The following AFAP1 variants were observed in gnomAD, a reference collection of about 807,000 sequenced individuals.
AFAP1 encodes the protein actin filament associated protein 1.
Under a neutral mutation model 93.9 loss-of-function variants are expected in AFAP1, and 75 were observed. The ratio of observed to expected loss-of-function variants is 0.80; its 90% CI spans 0.66 to 0.97. AFAP1 has a LOEUF of 0.97. Ranked by LOEUF, AFAP1 falls within the 50% of genes least tolerant of loss-of-function variation. The pLI is 0.00. For missense variants in AFAP1, 1,201 were observed against 1,050.8 expected (o/e 1.14, Z -1.98); for synonymous variants, 517 against 430.7 (o/e 1.20, Z -2.48).
chr4:7,891,335 C>T (rs890692394), intron 1 of AFAP1, among the ~76,000 whole-genome samples: 1 of 152,088 alleles, frequency 6.6e-6, no homozygotes, highest in Non-Finnish European at 1.5e-5. Flanking sequence ...TCCGTCTTCA[C>T]GGACTAGGAT....
At chr4:7,883,185 C>CAA (rs34238719) in intron 1 of AFAP1, among the ~76,000 whole-genome samples, 8,014 of 48,678 alleles carry the variant, frequency 0.16, 462 homozygotes, top group Non-Finnish European at 0.23. Context: ...AACCCTATCT[C>CAA]AAAAAAAAAA....
intron 6 of AFAP1, among the ~76,000 whole-genome samples, chr4:7,822,830 T>A (rs1243587648): frequency 6.6e-6 from 1 of 150,544 alleles, no homozygotes; most frequent in African/African-American, 2.4e-5. Flanking sequence ...CCGGACCTTG[T>A]GATCCGCCCG....
At chr4:7,781,250 G>C in intron 13 of AFAP1, 126 bp downstream of exon 13, 1 of 1,241,802 alleles carries the variant, frequency 8.1e-7, no homozygotes, top group South Asian at 1.6e-5. Flanking sequence ...TTATATTCTA[G>C]TTGAGAAAAA....
intron 4 of AFAP1, among the ~76,000 whole-genome samples, chr4:7,848,099 A>AGAAGGAAGGAAAGAAG (rs1713957928): frequency 1.7e-5 from 2 of 116,020 alleles, no homozygotes; most frequent in African/African-American, 8.1e-5. Flanking sequence ...AGGGAAGGAA[A>AGAAGGAAGGAAAGAAG]GAAGGAAGGA....
At chr4:7,897,678 C>T (rs896708992) in intron 1 of AFAP1, among the ~76,000 whole-genome samples, 2 of 152,088 alleles carry the variant, frequency 1.3e-5, no homozygotes, top group African/African-American at 4.8e-5. Context: ...CGTGCACTGC[C>T]ACATCTGACT....
chr4:7,850,089 A>G (rs1159994584), intron 4 of AFAP1, among the ~76,000 whole-genome samples: 1 of 152,130 alleles, frequency 6.6e-6, no homozygotes, highest in Non-Finnish European at 1.5e-5. Flanking sequence ...TAGAGCAGAG[A>G]TCTGACTTAT....
At chr4:7,873,727 G>C (rs915550755) in intron 1 of AFAP1, among the ~76,000 whole-genome samples, 1 of 152,096 alleles carries the variant, frequency 6.6e-6, no homozygotes, top group Admixed American at 6.6e-5. Flanking sequence ...TACCACAGTC[G>C]TCTAGAGAAA....
intron 6 of AFAP1, among the ~76,000 whole-genome samples, chr4:7,835,527 T>C (rs1177440613): frequency 5.9e-5 from 1 of 16,936 alleles, no homozygotes; most frequent in Non-Finnish European, 2.6e-4. Flanking sequence ...TGGGTGGCTC[T>C]TGAATGGACT....
At chr4:7,931,371 A>G (rs1369360411) in intron 1 of AFAP1, among the ~76,000 whole-genome samples, 1 of 152,106 alleles carries the variant, frequency 6.6e-6, no homozygotes, top group African/African-American at 2.4e-5. Flanking sequence ...CAACAAGAAT[A>G]GTATATTAAG....
chr4:7,925,933 T>C (rs1720708780), intron 1 of AFAP1, among the ~76,000 whole-genome samples: 1 of 152,174 alleles, frequency 6.6e-6, no homozygotes, highest in Non-Finnish European at 1.5e-5. Flanking sequence ...TCATCTTTAA[T>C]AAAATAATTT....
intron 1 of AFAP1, among the ~76,000 whole-genome samples, chr4:7,895,191 A>C (rs981141192): frequency 2.0e-5 from 3 of 151,986 alleles, no homozygotes; most frequent in Non-Finnish European, 2.9e-5. Context: ...TGAGGCTGGA[A>C]CTCTGCTCCA....
In AFAP1 at chr4:7,760,057, C is replaced by G. The variant is rs968510163; in HGVS notation, c.*3708G>C. Reference sequence around the variant, plus strand: ...GAAGGTGTGGCCACAAACAGGGGAGCTTTGCTCACAACCCTACACCTAACC... The same window carrying G: ...GAAGGTGTGGCCACAAACAGGGGAGGTTTGCTCACAACCCTACACCTAACC... On this transcript the variant is annotated 3_prime_UTR_variant, in exon 18 of 18. Transcript: ENST00000420658. 2 of 152,202 alleles carry G rather than the reference C, an allele frequency of 1.3e-5. No individual in the cohort carries two copies. Among genetic ancestry groups the G allele is most frequent in the Non-Finnish European group, 2.9e-5 (2 of 68,032 alleles). 9.4% of individuals were successfully genotyped at this position (152,202 alleles called of 1,614,324 possible).
chr4:7,869,458 GTCAGATACTGTA>G (rs1716825923), intron 2 of AFAP1, among the ~76,000 whole-genome samples: 2 of 152,184 alleles, frequency 1.3e-5, no homozygotes, highest in African/African-American at 2.4e-5. Flanking sequence ...TCTTCTTAAA[GTCAGATACTGTA>G]ATAGACATAC....
intron 1 of AFAP1, among the ~76,000 whole-genome samples, chr4:7,913,496 T>C (rs1026304747): frequency 6.6e-6 from 1 of 152,192 alleles, no homozygotes; most frequent in South Asian, 2.1e-4. Flanking sequence ...AATGTCCAGC[T>C]TGAAAGTTTG....
At chr4:7,816,738 C>T (rs1017251624) in intron 7 of AFAP1, among the ~76,000 whole-genome samples, 5 of 152,196 alleles carry the variant, frequency 3.3e-5, no homozygotes, top group Admixed American at 2.6e-4. Context: ...GGGGTCATAG[C>T]GGAGGGAGTG....
At chr4:7,815,858 C>T (rs1336566139) in intron 8 of AFAP1, among the ~76,000 whole-genome samples, 160 bp downstream of exon 8, 2 of 152,108 alleles carry the variant, frequency 1.3e-5, no homozygotes, top group Non-Finnish European at 2.9e-5. Flanking sequence ...AAGGGTTTTC[C>T]GGCACTCCCA....
intron 9 of AFAP1, among the ~76,000 whole-genome samples, chr4:7,807,346 C>T (rs769384332): frequency 5.9e-5 from 9 of 152,202 alleles, no homozygotes; most frequent in Non-Finnish European, 1.2e-4. Flanking sequence ...GAGGCAGTCC[C>T]ACCTTCCATG....
At chr4:7,911,918 C>G (rs1057001321) in intron 1 of AFAP1, among the ~76,000 whole-genome samples, 1 of 152,118 alleles carries the variant, frequency 6.6e-6, no homozygotes, top group South Asian at 2.1e-4. Context: ...GTTCCAATGG[C>G]AACACGGGGA....
chr4:7,852,462 C>T (rs954724220), intron 4 of AFAP1, among the ~76,000 whole-genome samples: 1 of 152,168 alleles, frequency 6.6e-6, no homozygotes, highest in Admixed American at 6.5e-5. Context: ...AGCCACTACC[C>T]CACAGTGGGA....
Sources: gnomAD v4.1 joint callset for allele counts (sites outside exome capture counted in the v4.1 genomes callset) on GRCh38, gnomAD v4.1.1 for gene constraint, MANE v1.5 for transcripts, NCBI Gene and HGNC (gene_info 2026-07-23, HGNC 2026-07-21) for gene names.